Variants in TTC24 observed in about 807,000 individuals in gnomAD.
The protein encoded by TTC24 is tetratricopeptide repeat protein 24.
TTC24 carries 54 observed loss-of-function variants against 63.3 expected under a neutral mutation model. The observed-to-expected ratio is 0.85, with a 90% CI of 0.69 to 1.07. TTC24 has a LOEUF of 1.07. TTC24 is among the 50% of genes least tolerant of loss of function. The pLI is 0.00. For synonymous variants in TTC24, 276 were observed against 304.3 expected, an observed-to-expected ratio of 0.91 and a Z score of 0.97; for missense variants, 680 against 730.5, an observed-to-expected ratio of 0.93 and a Z score of 0.80.
In TTC24 at chr1:156,581,672, T is replaced by G. The variant is rs1452460577; in HGVS notation, c.308T>G (p.Leu103Arg). 1.3e-6 allele frequency: 2 copies of G among 1,551,752 alleles called. No individual in the cohort carries two copies. The highest frequency in any genetic ancestry group is 3.3e-4 in the Middle Eastern group (2 of 5,992). ...CCAGCCAGAGGCCTTGAGCTACTCC[T>G]GCGAGCCCACCCTGAAGAGAAGGCA... ...GDPARGLELL[L>R]RAHPEEKAQG... The change falls in exon 2 of 11, where the codon CTG becomes CGG. Residue 103 changes from leucine (L) to arginine (R), a missense_variant. Physicochemically the swap from Leu to Arg is moderately radical, Grantham distance 102. Transcript: ENST00000368236.
rs1237005573 is a variant in TTC24, at chr1:156,583,678, A to C, written c.1153-119A>C. ...TGGGAAAGGCATGGGGATGGGGTAG[A>C]AGAGAGGGGAAACAAAGCCCCCCTC... On this transcript the variant is annotated intron_variant, in intron 5 of 10. Transcript: ENST00000368236. This position sits in a 1 kb window ranked among gnomAD's most constrained non-coding sequence, Gnocchi z 4.0. 1 of 1,020,752 alleles carries C rather than the reference A, an allele frequency of 9.8e-7. No homozygotes were observed. The highest frequency in any genetic ancestry group is 1.5e-6 in the Non-Finnish European group (1 of 676,958). The allele number at this position is 1,020,752 out of a possible 1,614,324, so 63.2% of individuals were successfully genotyped here. A position where few individuals can be genotyped will look rare whatever the true frequency, so the allele number is the denominator to read the frequency against.
rs1262144141 is a variant in TTC24 at position 156,586,865 on chromosome 1, G to T, written c.*315G>T. The T allele has an allele frequency of 4.2e-6, 1 of 236,916 alleles. No individual in the cohort carries two copies. Among genetic ancestry groups the T allele is most frequent in the East Asian group, 8.6e-5 (1 of 11,690 alleles). The allele number at this position is 236,916 out of a possible 1,614,324, so 14.7% of individuals were successfully genotyped here. A position where few individuals can be genotyped will look rare whatever the true frequency, so the allele number is the denominator to read the frequency against. Reference sequence around the variant, plus strand: ...CCTGGCAGTTCTAAAAACTGACTTCGTGGTCAAGTAGCTTTGGAGTCACTG... The same window carrying T: ...CCTGGCAGTTCTAAAAACTGACTTCTTGGTCAAGTAGCTTTGGAGTCACTG... On this transcript the variant is annotated 3_prime_UTR_variant, in exon 11 of 11. Coordinates refer to ENST00000368236, the MANE Select transcript of TTC24 (RefSeq NM_001105669.4).
At chr1:156,584,769 G>A (rs895998911) in intron 6 of TTC24, 108 bp from the exon 7 acceptor site, 2 of 656,020 alleles carry the variant, frequency 3.0e-6, no homozygotes, top group African/African-American at 1.9e-5. Flanking sequence ...CGAGACAAGC[G>A]GCAGAGCCCG....
In TTC24 at chr1:156,581,762, T is replaced by C. The variant is rs1677003575; in HGVS notation, c.398T>C (p.Leu133Pro). The change falls in exon 2 of 11, where the codon CTG (leucine) becomes CCG (proline). Residue 133 changes from leucine to proline, a missense_variant. Leu to Pro is a moderately conservative substitution (Grantham distance 98). Transcript: ENST00000368236. ...TTGGCCTACCATGCCCTCGGCGAGC[T>C]GCCTCAAGCTTTGGCCTGGTACCAC... ...VALAYHALGELPQALAWYHRA... is the reference protein window; with the variant it reads ...VALAYHALGEPPQALAWYHRA... 1.3e-6 allele frequency: 2 copies of C among 1,551,596 alleles called. No individual in the cohort carries two copies. The highest frequency in any genetic ancestry group is 2.7e-5 in the African/African-American group (2 of 73,138).
At position 156,581,881 on chromosome 1, in the gene TTC24, G is replaced by A; in HGVS notation, c.517G>A (p.Ala173Thr). ...CYQALGQPEL[A>T]AHCLQEASQA... ...CCAGGCTCTGGGACAGCCTGAGCTA[G>A]CAGCCCACTGCCTGCAGGAAGCAAG... The change falls in exon 2 of 11, where the codon GCA becomes ACA. Residue 173 changes from alanine (A) to threonine (T), a missense_variant. Physicochemically the swap from Ala to Thr is moderately conservative, Grantham distance 58. Coordinates refer to ENST00000368236, the MANE Select transcript of TTC24 (RefSeq NM_001105669.4). 6.5e-7 allele frequency: 1 copy of A among 1,547,526 alleles called. No homozygotes were observed. Among genetic ancestry groups the A allele is most frequent in the South Asian group, 1.2e-5 (1 of 83,906 alleles).
Position 156,583,848 on chromosome 1 carries a change from G to A in TTC24, c.1204G>A (p.Val402Met), listed in dbSNP as rs368111690. ...ERLVAKLADT[V>M]RTRLAQVGLV... Reference sequence around the variant, plus strand: ...GCTGGTGGCCAAGCTGGCAGACACCGTGAGGACGCGCTTGGCCCAGGTGGG... The same window carrying A: ...GCTGGTGGCCAAGCTGGCAGACACCATGAGGACGCGCTTGGCCCAGGTGGG... The change falls in exon 6 of 11, where the codon GTG becomes ATG. Residue 402 changes from valine to methionine, a missense_variant. Val to Met is a conservative substitution (Grantham distance 21). Transcript: ENST00000368236. The surrounding 1 kb of genome is among the most constrained non-coding windows in gnomAD (Gnocchi z 4.0). 5.1e-6 allele frequency: 8 copies of A among 1,584,036 alleles called. No individual in the cohort carries two copies. The African/African-American group carries it at 6.7e-5, about 13-fold the overall frequency.
At position 156,582,918 on chromosome 1, in the gene TTC24, T is replaced by A. The variant is rs567709523; in HGVS notation, c.911-124T>A. 1.1e-3 allele frequency: 1,415 copies of A among 1,236,000 alleles called. 20 individuals carry two copies. The South Asian group carries it at 0.02, about 18-fold the overall frequency. The allele number at this position is 1,236,000 out of a possible 1,614,324, so 76.6% of individuals were successfully genotyped here. On this transcript the variant is annotated intron_variant, in intron 3 of 10. Coordinates refer to ENST00000368236, the MANE Select transcript of TTC24 (RefSeq NM_001105669.4). The stretch of plus-strand genomic sequence containing the variant: ...GGAGGGTTCAGGCCTCTCGGATGCA[T>A]CTGGAGTGTTCTGGGGCTGGGCACC...
chr1:156,581,528 C>T lies in TTC24; in HGVS notation c.164C>T (p.Ala55Val). Reference sequence around the variant, plus strand: ...CTTCAGGCTGGCCAGAACCATGAAGCCTTGAACAACTTCCAGAGGGCCTTC... The same window carrying T: ...CTTCAGGCTGGCCAGAACCATGAAGTCTTGAACAACTTCCAGAGGGCCTTC... ...GALQAGQNHE[A>V]LNNFQRAFLL... Residue 55 changes from alanine (A) to valine (V), a missense_variant, in exon 2 of 11, where the codon GCC (alanine) becomes GTC (valine). Physicochemically the swap from Ala to Val is moderately conservative, Grantham distance 64. Transcript: ENST00000368236. 1 of 1,551,344 alleles carries T rather than the reference C, an allele frequency of 6.4e-7. No homozygotes were observed. Among genetic ancestry groups the T allele is most frequent in the African/African-American group, 1.4e-5 (1 of 73,168 alleles).
chr1:156,583,086 C>T lies in TTC24; in HGVS notation c.955C>T (p.Leu319=). Residue 319 remains leucine (L), a synonymous_variant, in exon 4 of 11, where the codon CTG becomes TTG. Transcript: ENST00000368236. This position sits in a 1 kb window ranked among gnomAD's most constrained non-coding sequence, Gnocchi z 4.0. ...RWEQGRSFGS[L]AFALSQLGDH... is the part of the protein sequence containing the mutation. ...GGAGCAGGGCCGGAGCTTTGGCAGCCTGGCCTTTGCATTGAGCCAGCTGGG... is the reference window on the plus strand; with the variant it reads ...GGAGCAGGGCCGGAGCTTTGGCAGCTTGGCCTTTGCATTGAGCCAGCTGGG... The T allele has an allele frequency of 6.2e-7, 1 of 1,613,760 alleles. No individual in the cohort carries two copies.
In TTC24 at chr1:156,584,043, T is replaced by C. The variant is rs1052098463; in HGVS notation, c.1251+148T>C. The C allele has an allele frequency of 1.5e-5, 10 of 670,402 alleles. No individual in the cohort carries two copies. In the African/African-American group the frequency reaches 1.6e-4, roughly 11 times the overall value. The allele number at this position is 670,402 out of a possible 1,614,324, so 41.5% of individuals were successfully genotyped here. ...CCGCCTTGAGCCTGCGCATGAGATA[T>C]ATCACTTTCCAAGGGTGGGAGGTGG... On this transcript the variant is annotated intron_variant, in intron 6 of 10. Transcript: ENST00000368236.
Position 156,586,558 on chromosome 1 carries a change from C to T in TTC24, c.*8C>T, listed in dbSNP as rs1346979629. On this transcript the variant is annotated 3_prime_UTR_variant, in exon 11 of 11. Coordinates refer to ENST00000368236, the MANE Select transcript of TTC24 (RefSeq NM_001105669.4). ...ATCTGCACTATTGTGTGACCTCCCC[C>T]TGCCAGCCTCAGCCCTCATCCCTGA... The T allele has an allele frequency of 1.2e-6, 2 of 1,611,904 alleles. No individual in the cohort carries two copies. The highest frequency in any genetic ancestry group is 1.7e-6 in the Non-Finnish European group (2 of 1,178,910).
Position 156,581,978 on chromosome 1 carries a change from T to C in TTC24, c.614T>C (p.Leu205Pro), listed in dbSNP as rs1424019624. The change falls in exon 2 of 11, where the codon CTG becomes CCG. Residue 205 changes from leucine (L) to proline (P), a missense_variant. Coordinates refer to ENST00000368236, the MANE Select transcript of TTC24 (RefSeq NM_001105669.4). ...CTGGGGGCTGCGGCAGGATGTATGCTGAAGAGTGGGCGGCATCGGGTGGGG... is the reference window on the plus strand; with the variant it reads ...CTGGGGGCTGCGGCAGGATGTATGCCGAAGAGTGGGCGGCATCGGGTGGGG... ...LALGAAAGCM[L>P]KSGRHRVGEV... The C allele has an allele frequency of 4.6e-6, 7 of 1,521,228 alleles. No homozygotes were observed. Among genetic ancestry groups the C allele is most frequent in the Non-Finnish European group, 5.3e-6 (6 of 1,136,628 alleles). 94.2% of individuals were successfully genotyped at this position (1,521,228 alleles called of 1,614,324 possible).
At position 156,583,313 on chromosome 1, in the gene TTC24, A is replaced by T; in HGVS notation, c.1040-25A>T. 6.2e-7 allele frequency: 1 copy of T among 1,601,770 alleles called. No homozygotes were observed. Among genetic ancestry groups the T allele is most frequent in the South Asian group, 1.1e-5 (1 of 89,760 alleles). On this transcript the variant is annotated intron_variant, in intron 4 of 10. Coordinates refer to ENST00000368236, the MANE Select transcript of TTC24 (RefSeq NM_001105669.4). This position sits in a 1 kb window ranked among gnomAD's most constrained non-coding sequence, Gnocchi z 4.0. ...CAGTGGGGTAGGAAGTCATGAAAGG[A>T]CCTTCCAGGCTCTCTTTCTCTCAGG...
chr1:156,586,091 A>AT, intron 10 of TTC24, 46 bp downstream of exon 10: 1 of 1,312,652 alleles, frequency 7.6e-7, no homozygotes, highest in Non-Finnish European at 1.1e-6. Context: ...TAGCAAAAAA[A>AT]GTAGAATGTG....
At position 156,582,379 on chromosome 1, in the gene TTC24, C is replaced by T; in HGVS notation, c.855C>T (p.Ala285=). Residue 285 remains alanine, a synonymous_variant, in exon 3 of 11, where the codon GCC becomes GCT. Transcript: ENST00000368236. ...VLRNLGMAHN[A]LGNYQEAREF... Reference sequence around the variant, plus strand: ...GAAACCTCGGGATGGCCCACAATGCCCTCGGCAACTATCAGGAAGCTCGGG... The same window carrying T: ...GAAACCTCGGGATGGCCCACAATGCTCTCGGCAACTATCAGGAAGCTCGGG... The T allele has an allele frequency of 6.2e-7, 1 of 1,613,700 alleles. No individual in the cohort carries two copies. The highest frequency in any genetic ancestry group is 2.2e-5 in the East Asian group (1 of 44,866).
At chr1:156,586,098 T>A (rs1677153173) in intron 10 of TTC24, 53 bp downstream of exon 10, 1 of 1,256,478 alleles carries the variant, frequency 8.0e-7, no homozygotes, top group African/African-American at 1.5e-5. Context: ...AAAAGTAGAA[T>A]GTGTGGCTTG....
At position 156,583,099 on chromosome 1, in the gene TTC24, T is replaced by C. The variant is rs1441536833; in HGVS notation, c.968T>C (p.Leu323Ser). Reference sequence around the variant, plus strand: ...AGCTTTGGCAGCCTGGCCTTTGCATTGAGCCAGCTGGGGGACCACAAGGCT... The same window carrying C: ...AGCTTTGGCAGCCTGGCCTTTGCATCGAGCCAGCTGGGGGACCACAAGGCT... ...GRSFGSLAFA[L>S]SQLGDHKAAR... Residue 323 changes from leucine to serine, a missense_variant, in exon 4 of 11, where the codon TTG (leucine) becomes TCG (serine). Transcript: ENST00000368236. The surrounding 1 kb of genome is among the most constrained non-coding windows in gnomAD (Gnocchi z 4.0). The C allele has an allele frequency of 1.9e-6, 3 of 1,613,746 alleles. No individual in the cohort carries two copies. Among genetic ancestry groups the C allele is most frequent in the Non-Finnish European group, 2.5e-6 (3 of 1,179,824 alleles).
rs748574857 is a variant in TTC24, at chr1:156,586,488, GA to G, written c.1690del (p.Ser564AlafsTer115). 6.2e-7 allele frequency: 1 copy of G among 1,611,818 alleles called. No individual in the cohort carries two copies. Among genetic ancestry groups the G allele is most frequent in the Non-Finnish European group, 8.5e-7 (1 of 1,179,826 alleles). On this transcript the variant is annotated frameshift_variant, in exon 11 of 11. Coordinates refer to ENST00000368236, the MANE Select transcript of TTC24 (RefSeq NM_001105669.4). LOFTEE classifies it low-confidence loss of function (END_TRUNC). ...QANRSSRWPR[E>X]SLSRSRQRRP... ...TTTCAGGTCATCCAGGTGGCCCAGG[GA>G]AAGCCTCAGCAGGAGCCGCCAGAGG...
rs758562637 is a variant in TTC24, at chr1:156,583,450, G to A, written c.1152G>A (p.Gln384=). The change falls in exon 5 of 11, where the codon CAG becomes CAA. Residue 384 remains glutamine, a splice_region_variant and synonymous_variant. Coordinates refer to ENST00000368236, the MANE Select transcript of TTC24 (RefSeq NM_001105669.4). The surrounding 1 kb of genome is among the most constrained non-coding windows in gnomAD (Gnocchi z 4.0). ...KYYKEALAQC[Q]KEPDSVRERL... is the part of the protein sequence containing the mutation. ...ATAAGGAAGCACTGGCCCAGTGTCA[G>A]GTGAGACCCCGCACACCGGAATCCA... 1 of 1,593,332 alleles carries A rather than the reference G, an allele frequency of 6.3e-7. No individual in the cohort carries two copies. Among genetic ancestry groups the A allele is most frequent in the South Asian group, 1.1e-5 (1 of 88,498 alleles).
Sources: gnomAD v4.1 joint callset for allele counts on GRCh38, gnomAD v4.1.1 for gene constraint, Gnocchi (gnomAD v3.1) non-coding constraint, MANE v1.5 for transcripts, NCBI Gene and HGNC (gene_info 2026-07-23, HGNC 2026-07-21) for gene names.